RIMBP2: variants seen among roughly 807,000 people sequenced by gnomAD.
RIMBP2 encodes the protein RIMS-binding protein 2.
Under a neutral mutation model 118.6 loss-of-function variants are expected in RIMBP2, and 48 were observed. The observed-to-expected ratio is 0.40, with a 90% CI of 0.32 to 0.51. The LOEUF (loss-of-function observed/expected upper bound fraction) is 0.51, where lower values mean the gene tolerates loss of function less well. RIMBP2 is among the 20% of genes least tolerant of loss of function. RIMBP2 has a pLI of 0.41. For synonymous variants in RIMBP2, 762 were observed against 742.9 expected, an observed-to-expected ratio of 1.03 and a Z score of -0.42; for missense variants, 1,551 against 1,768.3, an observed-to-expected ratio of 0.88 and a Z score of 2.20.
At chr12:130,510,978 C>T (rs564992246) in intron 3 of RIMBP2, among the ~76,000 whole-genome samples, 22 of 152,098 alleles carry the variant, frequency 1.4e-4, no homozygotes, top group Non-Finnish European at 2.4e-4. Flanking sequence ...GGCTGAATAA[C>T]GGCCCCACAC....
At chr12:130,444,648 C>T (rs1436956838) in intron 10 of RIMBP2, among the ~76,000 whole-genome samples, 1 of 152,146 alleles carries the variant, frequency 6.6e-6, no homozygotes, top group African/African-American at 2.4e-5. Flanking sequence ...GAGGAGACCT[C>T]GAGGGAATGA....
In RIMBP2 at chr12:130,420,534, T is replaced by C. The variant is rs2076350342; in HGVS notation, c.3238+1919A>G. 6.6e-6 allele frequency among the ~76,000 whole-genome samples: 1 copy of C among 152,154 alleles called. No homozygotes were observed. Among genetic ancestry groups the C allele is most frequent in the Non-Finnish European group, 1.5e-5 (1 of 68,032 alleles). On this transcript the variant is annotated intron_variant, in intron 17 of 22. Transcript: ENST00000690449. This position sits in a 1 kb window ranked among gnomAD's most constrained non-coding sequence, Gnocchi z 4.3. Reference sequence around the variant, plus strand: ...CACATTCATCAAAAGTAGTTTCATTTGGGAAGGGTTTTTATGATACTAATA... The same window carrying C: ...CACATTCATCAAAAGTAGTTTCATTCGGGAAGGGTTTTTATGATACTAATA...
intron 1 of RIMBP2, among the ~76,000 whole-genome samples, chr12:130,644,898 G>A (rs906747073): frequency 1.2e-4 from 18 of 152,204 alleles, no homozygotes; most frequent in Non-Finnish European, 2.9e-5. Flanking sequence ...CCCCACACAG[G>A]CCCCTTAAGC....
chr12:130,530,556 T>C (rs980662449), intron 2 of RIMBP2, among the ~76,000 whole-genome samples: 12 of 152,214 alleles, frequency 7.9e-5, no homozygotes, highest in African/African-American at 2.7e-4. Context: ...TTTTTACCTA[T>C]TGACTGAACA....
rs927900324 is a variant in RIMBP2, at chr12:130,518,592, C to T, written c.-216-675G>A. Among the ~76,000 whole-genome samples, 4 of 152,114 alleles carry T rather than the reference C, an allele frequency of 2.6e-5. No homozygotes were observed. In the South Asian group the frequency reaches 8.3e-4, roughly 32 times the overall value. ...GCCAGAGCTTTTATGGGGTCATGCA[C>T]CTAGAGAGGCAAGAGGGAGAAAACT... On this transcript the variant is annotated intron_variant, in intron 2 of 22. Coordinates refer to ENST00000690449, the MANE Select transcript of RIMBP2 (RefSeq NM_001393629.1).
Position 130,523,513 on chromosome 12 carries a change from A to G in RIMBP2, c.-216-5596T>C, listed in dbSNP as rs1411484626. 6.6e-6 allele frequency among the ~76,000 whole-genome samples: 1 copy of G among 152,222 alleles called. No homozygotes were observed. The highest frequency in any genetic ancestry group is 2.4e-5 in the African/African-American group (1 of 41,460). On this transcript the variant is annotated intron_variant, in intron 2 of 22. Transcript: ENST00000690449. The surrounding 1 kb of genome is among the most constrained non-coding windows in gnomAD (Gnocchi z 4.4). ...GAGGCAGCTCAAGGGCTCGTCAAGG[A>G]AGAAACTGGGTCTTCTGAAGACACC...
Position 130,710,083 on chromosome 12 carries a change from A to C in RIMBP2, c.-352+6139T>G, listed in dbSNP as rs531894751. ...CGGGTGGACACCGAGGGTCTCCAGGAGAGGGGTTGGCTCTGCAGCCCCTGT... is the reference window on the plus strand; with the variant it reads ...CGGGTGGACACCGAGGGTCTCCAGGCGAGGGGTTGGCTCTGCAGCCCCTGT... On this transcript the variant is annotated intron_variant, in intron 1 of 22. Coordinates refer to ENST00000690449, the MANE Select transcript of RIMBP2 (RefSeq NM_001393629.1). This position sits in a 1 kb window ranked among gnomAD's most constrained non-coding sequence, Gnocchi z 4.3. Among the ~76,000 whole-genome samples, 10 of 152,256 alleles carry C rather than the reference A, an allele frequency of 6.6e-5. No individual in the cohort carries two copies. Among genetic ancestry groups the C allele is most frequent in the African/African-American group, 1.4e-4 (6 of 41,550 alleles).
chr12:130,424,803 G>C lies in RIMBP2; in HGVS notation c.2468C>G (p.Pro823Arg). The C allele has an allele frequency of 1.6e-6, 2 of 1,232,734 alleles. No individual in the cohort carries two copies. Among genetic ancestry groups the C allele is most frequent in the East Asian group, 6.3e-5 (2 of 31,694 alleles). 76.4% of individuals were successfully genotyped at this position (1,232,734 alleles called of 1,614,324 possible). A position where few individuals can be genotyped will look rare whatever the true frequency, so the allele number is the denominator to read the frequency against. The change falls in exon 16 of 23, where the codon CCC (proline) becomes CGC (arginine). Residue 823 changes from proline (P) to arginine (R), a missense_variant. By Grantham distance (103) the Pro-to-Arg change is moderately radical. Transcript: ENST00000690449. This position sits in a 1 kb window ranked among gnomAD's most constrained non-coding sequence, Gnocchi z 9.8. ...EGTFWEQPEFPHQPHRKRLFS... is the reference protein window; with the variant it reads ...EGTFWEQPEFRHQPHRKRLFS... ...AAGTCTCTTCCTGTGGGGCTGGTGGGGAAACTCGGGCTGCTCCCAGAAAGT... is the reference window on the plus strand; with the variant it reads ...AAGTCTCTTCCTGTGGGGCTGGTGGCGAAACTCGGGCTGCTCCCAGAAAGT...
At chr12:130,702,329 C>A (rs2065890587) in intron 1 of RIMBP2, among the ~76,000 whole-genome samples, 1 of 151,924 alleles carries the variant, frequency 6.6e-6, no homozygotes, top group Non-Finnish European at 1.5e-5. Context: ...CCAGCCCGAT[C>A]AATATGGAGA....
chr12:130,672,909 C>T (rs1004153644), intron 1 of RIMBP2, among the ~76,000 whole-genome samples: 1 of 152,234 alleles, frequency 6.6e-6, no homozygotes, highest in African/African-American at 2.4e-5. Context: ...ATCCACACTT[C>T]GTCACCTTCA....
intron 2 of RIMBP2, among the ~76,000 whole-genome samples, chr12:130,595,024 A>G (rs916612227): frequency 6.6e-6 from 1 of 152,234 alleles, no homozygotes; most frequent in Non-Finnish European, 1.5e-5. Flanking sequence ...TGCCTTCGTT[A>G]TTAAGGCCAT....
At chr12:130,492,010 A>G (rs1822952220) in intron 4 of RIMBP2, among the ~76,000 whole-genome samples, 1 of 152,216 alleles carries the variant, frequency 6.6e-6, no homozygotes, top group African/African-American at 2.4e-5. Context: ...CCTCAACGTC[A>G]GATCAAACGT....
In RIMBP2 at chr12:130,617,768, T is replaced by C. The variant is rs2061038265; in HGVS notation, c.-217+10554A>G. On this transcript the variant is annotated intron_variant, in intron 2 of 22. Coordinates refer to ENST00000690449, the MANE Select transcript of RIMBP2 (RefSeq NM_001393629.1). The surrounding 1 kb of genome is among the most constrained non-coding windows in gnomAD (Gnocchi z 4.6). ...TTCACAGAATGCACGCAAATTAGAT[T>C]ATTCTGGTAGAACAGGAATCACTCC... 6.6e-6 allele frequency among the ~76,000 whole-genome samples: 1 copy of C among 152,156 alleles called. No individual in the cohort carries two copies. The highest frequency in any genetic ancestry group is 2.4e-5 in the African/African-American group (1 of 41,444).
chr12:130,539,991 G>C lies in RIMBP2; in HGVS notation c.-216-22074C>G, dbSNP rs112812911. 1.9e-4 allele frequency among the ~76,000 whole-genome samples: 16 copies of C among 84,294 alleles called. No homozygotes were observed. The East Asian group carries it at 4.2e-3, about 22-fold the overall frequency. 55.3% of individuals were successfully genotyped at this position (84,294 alleles called of 152,430 possible). A position where few individuals can be genotyped will look rare whatever the true frequency, so the allele number is the denominator to read the frequency against. ...GGTGTAGGATATGGCAAATGCAGTC[G>C]ATGAGGTGGCCAGGTGTAGGATATG... On this transcript the variant is annotated intron_variant, in intron 2 of 22. Transcript: ENST00000690449.
At chr12:130,706,428 C>T (rs1197006899) in intron 1 of RIMBP2, among the ~76,000 whole-genome samples, 2 of 152,232 alleles carry the variant, frequency 1.3e-5, no homozygotes, top group African/African-American at 4.8e-5. Context: ...GAGCAGAGAT[C>T]GGGGCCTGCC....
intron 6 of RIMBP2, among the ~76,000 whole-genome samples, chr12:130,467,431 C>T (rs1278603690): frequency 6.6e-6 from 1 of 152,216 alleles, no homozygotes; most frequent in Admixed American, 6.5e-5. Context: ...TGACTCAGTG[C>T]AAGAGGACAG....
Position 130,407,621 on chromosome 12 carries a change from G to A in RIMBP2, c.3693+105C>T, listed in dbSNP as rs1358876407. The stretch of plus-strand genomic sequence containing the variant: ...CAGCCCTTCCTACGGATGGTTCGGA[G>A]AGAAGGAATGAGGAGGTGAACACAC... On this transcript the variant is annotated intron_variant, in intron 20 of 22. Transcript: ENST00000690449. 6 of 911,794 alleles carry A rather than the reference G, an allele frequency of 6.6e-6. No individual in the cohort carries two copies. In the East Asian group the frequency reaches 1.4e-4, roughly 22 times the overall value. The allele number at this position is 911,794 out of a possible 1,614,324, so 56.5% of individuals were successfully genotyped here. A position where few individuals can be genotyped will look rare whatever the true frequency, so the allele number is the denominator to read the frequency against.
In RIMBP2 at chr12:130,442,975, G is replaced by A. The variant is rs1436610680; in HGVS notation, c.692-315C>T. On this transcript the variant is annotated intron_variant, in intron 10 of 22. Coordinates refer to ENST00000690449, the MANE Select transcript of RIMBP2 (RefSeq NM_001393629.1). This position sits in a 1 kb window ranked among gnomAD's most constrained non-coding sequence, Gnocchi z 6.9. ...CACGAACAACACTCAGGGACAGCAG[G>A]GACCACACGACTATTGAATGCCCAG... Among the ~76,000 whole-genome samples, 1 of 152,140 alleles carries A rather than the reference G, an allele frequency of 6.6e-6. No homozygotes were observed. The highest frequency in any genetic ancestry group is 2.4e-5 in the African/African-American group (1 of 41,432).
intron 2 of RIMBP2, among the ~76,000 whole-genome samples, chr12:130,535,758 T>TACAC (rs1566218322): frequency 3.2e-5 from 2 of 63,336 alleles, no homozygotes; most frequent in Admixed American, 4.0e-4. Context: ...TATATATATA[T>TACAC]ATATATATAT....
Sources: gnomAD v4.1 joint callset for allele counts (sites outside exome capture counted in the v4.1 genomes callset) on GRCh38, gnomAD v4.1.1 for gene constraint, Gnocchi (gnomAD v3.1) non-coding constraint, MANE v1.5 for transcripts, NCBI Gene and HGNC (gene_info 2026-07-23, HGNC 2026-07-21) for gene names.